ALMS1: variants seen among roughly 807,000 people sequenced by gnomAD.
The protein encoded by ALMS1 is centrosome-associated protein ALMS1.
A neutral mutation model predicts 352.2 loss-of-function variants in ALMS1; 271 were observed. That is an observed-to-expected ratio of 0.77 (90% CI 0.70 to 0.85). The LOEUF is 0.85. ALMS1 is among the 40% of genes least tolerant of loss of function. The probability of loss-of-function intolerance (pLI) is 0.00; values close to 1 mark genes in which losing one functional copy is unlikely to be tolerated. For missense variants in ALMS1, 5,445 were observed against 4,870.7 expected (o/e 1.12, Z -3.51); for synonymous variants, 1,865 against 1,761.2 (o/e 1.06, Z -1.48).
rs559820266 is a variant in ALMS1, at chr2:73,506,711, C to T, written c.9540-13064C>T. 2.9e-3 allele frequency among the ~76,000 whole-genome samples: 438 copies of T among 152,260 alleles called. 1 individual carries two copies. Among genetic ancestry groups the T allele is most frequent in the Non-Finnish European group, 5.1e-3 (348 of 68,010 alleles). On this transcript the variant is annotated intron_variant, in intron 10 of 22. Transcript: ENST00000613296. ...TGATGGGGTTCTCTAAATATACAAT[C>T]GTGTCATCTGCAAACAGAGATAATT...
intron 20 of ALMS1, among the ~76,000 whole-genome samples, chr2:73,602,668 A>T (rs569727651): frequency 1.3e-5 from 2 of 152,356 alleles, no homozygotes; most frequent in Non-Finnish European, 2.9e-5. Context: ...GATGGGGCTG[A>T]TTCCAGGCTT....
At chr2:73,386,961 A>G (rs780547261) in intron 1 of ALMS1, among the ~76,000 whole-genome samples, 1 of 152,154 alleles carries the variant, frequency 6.6e-6, no homozygotes, top group Non-Finnish European at 1.5e-5. Context: ...GGCTTTTTAC[A>G]TCTTAAAGAG....
chr2:73,395,000 A>G (rs1020372275), intron 1 of ALMS1, among the ~76,000 whole-genome samples: 3 of 143,018 alleles, frequency 2.1e-5, no homozygotes, highest in East Asian at 4.1e-4. Context: ...GTATATATAT[A>G]TGTGTATATA....
chr2:73,538,653 G>A (rs1573003666), intron 12 of ALMS1, among the ~76,000 whole-genome samples: 3 of 152,314 alleles, frequency 2.0e-5, no homozygotes, highest in Non-Finnish European at 4.4e-5. Context: ...AGGAGTGACA[G>A]AAGGCACCTG....
intron 10 of ALMS1, among the ~76,000 whole-genome samples, chr2:73,501,666 A>G (rs1318457162): frequency 6.6e-6 from 1 of 152,098 alleles, no homozygotes; most frequent in Non-Finnish European, 1.5e-5. Context: ...TTATCTTTAC[A>G]CCAGTACCAC....
At position 73,519,949 on chromosome 2, in the gene ALMS1, CA is replaced by C. The variant is rs1370448827; in HGVS notation, c.9717del (p.Ala3240LeufsTer43). 1 of 1,613,970 alleles carries C rather than the reference CA, an allele frequency of 6.2e-7. No individual in the cohort carries two copies. Among genetic ancestry groups the C allele is most frequent in the African/African-American group, 1.3e-5 (1 of 74,904 alleles). On this transcript the variant is annotated frameshift_variant, in exon 11 of 23. Transcript: ENST00000613296. LOFTEE classifies it high-confidence loss of function. ...IIEPGNQKLR[K>X]APVKFASSSS... ...TAGAGCCTGGTAACCAGAAGCTACG[CA>C]AAGCTCCTGTCAAGTTTGCCTCATC...
intron 2 of ALMS1, among the ~76,000 whole-genome samples, chr2:73,414,489 G>GTTTTTTTTTTTTCTTT (rs11395837): frequency 2.1e-5 from 2 of 94,248 alleles, no homozygotes; most frequent in Admixed American, 1.3e-4. Context: ...TTTTTTTTTT[G>GTTTTTTTTTTTTCTTT]TTTTTTTTTT....
chr2:73,450,384 A>G lies in ALMS1; in HGVS notation c.3857A>G (p.Tyr1286Cys). 1.2e-6 allele frequency: 2 copies of G among 1,612,022 alleles called. No homozygotes were observed. Among genetic ancestry groups the G allele is most frequent in the Non-Finnish European group, 1.7e-6 (2 of 1,179,544 alleles). Residue 1286 changes from tyrosine to cysteine, a missense_variant, in exon 8 of 23, where the codon TAC becomes TGC. Tyr to Cys is a radical substitution (Grantham distance 194). Coordinates refer to ENST00000613296, the MANE Select transcript of ALMS1 (RefSeq NM_001378454.1). Reference protein sequence around the residue: ...TGTPAVTSTSYSQYREKPSIF... With the variant: ...TGTPAVTSTSCSQYREKPSIF... ...ACACCAGCTGTAACCTCTACTTCCT[A>G]CTCACAATATAGAGAGAAGCCCAGC...
chr2:73,471,395 AC>A (rs1414814475), intron 9 of ALMS1, among the ~76,000 whole-genome samples: 1 of 150,824 alleles, frequency 6.6e-6, no homozygotes, highest in Non-Finnish European at 1.5e-5. Flanking sequence ...AAGAGACTGA[AC>A]TGGTAATCTA....
At chr2:73,494,144 G>A (rs1673055127) in intron 10 of ALMS1, among the ~76,000 whole-genome samples, 1 of 152,176 alleles carries the variant, frequency 6.6e-6, no homozygotes, top group African/African-American at 2.4e-5. Context: ...GTGAGGCAGT[G>A]AGAGGGCAAG....
intron 12 of ALMS1, among the ~76,000 whole-genome samples, chr2:73,544,162 T>C (rs533335780): frequency 3.9e-5 from 6 of 152,272 alleles, no homozygotes; most frequent in Admixed American, 2.0e-4. Flanking sequence ...GTGGCACATA[T>C]ACACCATGGA....
chr2:73,505,367 A>G (rs1673299472), intron 10 of ALMS1, among the ~76,000 whole-genome samples: 1 of 152,190 alleles, frequency 6.6e-6, no homozygotes, highest in Non-Finnish European at 1.5e-5. Flanking sequence ...GTTTCTCCAC[A>G]TCCTCTCCAG....
At position 73,433,159 on chromosome 2, in the gene ALMS1, C is replaced by T. The variant is rs148427078; in HGVS notation, c.1432+868C>T. On this transcript the variant is annotated intron_variant, in intron 7 of 22. Coordinates refer to ENST00000613296, the MANE Select transcript of ALMS1 (RefSeq NM_001378454.1). ...AAAGTAAAAGGATTGGAGGGCAGTTCTGAGAAGTCAGCTCAGGTTAGTGAT... is the reference window on the plus strand; with the variant it reads ...AAAGTAAAAGGATTGGAGGGCAGTTTTGAGAAGTCAGCTCAGGTTAGTGAT... 6.8e-3 allele frequency among the ~76,000 whole-genome samples: 1,032 copies of T among 152,292 alleles called. 39 individuals are homozygous for T. The highest frequency in any genetic ancestry group is 0.06 in the Admixed American group (925 of 15,294).
Position 73,519,764 on chromosome 2 carries a change from T to C in ALMS1, c.9540-11T>C, listed in dbSNP as rs1421351374. The stretch of plus-strand genomic sequence containing the variant: ...ATATAATCTGCTGTATTCTTTCTCT[T>C]TTTTGGTCAGATTACCAGAGAAGAT... On this transcript the variant is annotated splice_polypyrimidine_tract_variant and intron_variant, in intron 10 of 22. Transcript: ENST00000613296. The C allele has an allele frequency of 1.9e-6, 3 of 1,613,970 alleles. No homozygotes were observed. The Admixed American group carries it at 5.0e-5, about 27-fold the overall frequency.
At chr2:73,429,989 C>A (rs1041728434) in intron 6 of ALMS1, among the ~76,000 whole-genome samples, 7 of 151,982 alleles carry the variant, frequency 4.6e-5, no homozygotes, top group African/African-American at 1.7e-4. Flanking sequence ...CTGGTTCTTT[C>A]CATTTTCAAT....
At chr2:73,472,390 A>G (rs191613398) in intron 9 of ALMS1, among the ~76,000 whole-genome samples, 18 of 152,226 alleles carry the variant, frequency 1.2e-4, no homozygotes, top group Non-Finnish European at 2.5e-4. Flanking sequence ...ATTTCTTTAT[A>G]GTAGAATAAT....
chr2:73,574,178 A>G (rs911147799), intron 16 of ALMS1, among the ~76,000 whole-genome samples: 1 of 152,184 alleles, frequency 6.6e-6, no homozygotes, highest in Non-Finnish European at 1.5e-5. Context: ...CTGTCTTCTT[A>G]AAGAAGGCAC....
At chr2:73,464,928 G>A (rs1283684385) in intron 9 of ALMS1, among the ~76,000 whole-genome samples, 8 of 152,150 alleles carry the variant, frequency 5.3e-5, no homozygotes, top group Non-Finnish European at 8.8e-5. Context: ...ACAAACCACT[G>A]CTCAATGAAA....
Position 73,452,082 on chromosome 2 carries a change from C to T in ALMS1, c.5555C>T (p.Pro1852Leu). ...AACATCCTGCCCTCTAATTCCTACCCACAGAGAGAGCACTCTGTCATTTCT... is the reference window on the plus strand; with the variant it reads ...AACATCCTGCCCTCTAATTCCTACCTACAGAGAGAGCACTCTGTCATTTCT... ...GINILPSNSY[P>L]QREHSVISYE... Residue 1852 changes from proline (P) to leucine (L), a missense_variant, in exon 8 of 23, where the codon CCA becomes CTA. Pro to Leu is a moderately conservative substitution (Grantham distance 98). Coordinates refer to ENST00000613296, the MANE Select transcript of ALMS1 (RefSeq NM_001378454.1). 1 of 1,614,060 alleles carries T rather than the reference C, an allele frequency of 6.2e-7. No homozygotes were observed. Among genetic ancestry groups the T allele is most frequent in the Non-Finnish European group, 8.5e-7 (1 of 1,179,988 alleles).
Sources: allele counts gnomAD v4.1 joint callset (sites outside exome capture counted in the v4.1 genomes callset), GRCh38; gene constraint gnomAD v4.1.1; transcripts MANE v1.5; gene names NCBI Gene and HGNC (gene_info 2026-07-23, HGNC 2026-07-21).